EVI5: variants seen among roughly 807,000 people sequenced by gnomAD.
The protein encoded by EVI5 is ecotropic viral integration site 5 protein homolog.
In EVI5, 73 loss-of-function variants were observed where a neutral mutation model predicts 112.0. The ratio of observed to expected loss-of-function variants is 0.65; its 90% CI spans 0.54 to 0.79. EVI5 has a LOEUF of 0.79. EVI5 is among the 30% of genes least tolerant of loss of function. The pLI, the probability that EVI5 is intolerant of heterozygous loss-of-function variation, is 0.00. For synonymous variants in EVI5, 305 were observed against 319.9 expected (o/e 0.95, Z 0.50); for missense variants, 900 against 968.8 (o/e 0.93, Z 0.94).
At chr1:92,660,840 A>G (rs900645244) in intron 13 of EVI5, among the ~76,000 whole-genome samples, 1 of 151,976 alleles carries the variant, frequency 6.6e-6, no homozygotes, top group African/African-American at 2.4e-5. Context: ...AATGATAGAA[A>G]TATTATTTGT....
chr1:92,580,007 G>C (rs935779442), intron 18 of EVI5, among the ~76,000 whole-genome samples: 1 of 152,100 alleles, frequency 6.6e-6, no homozygotes, highest in Non-Finnish European at 1.5e-5. Flanking sequence ...AATCATATAT[G>C]TATTATTAAA....
At chr1:92,582,002 A>G (rs1672015724) in intron 18 of EVI5, among the ~76,000 whole-genome samples, 1 of 152,218 alleles carries the variant, frequency 6.6e-6, no homozygotes, top group Non-Finnish European at 1.5e-5. Flanking sequence ...ATGGGGATAC[A>G]TTCTGAGAAA....
chr1:92,674,455 T>C (rs1666384189), intron 10 of EVI5, among the ~76,000 whole-genome samples: 1 of 152,148 alleles, frequency 6.6e-6, no homozygotes, highest in South Asian at 2.1e-4. Flanking sequence ...AAACACCACA[T>C]GTTCTTGCTC....
At chr1:92,539,337 T>C (rs1306254246) in intron 19 of EVI5, among the ~76,000 whole-genome samples, 3 of 152,034 alleles carry the variant, frequency 2.0e-5, no homozygotes, top group African/African-American at 7.2e-5. Context: ...GGTCAGGAGA[T>C]GGAGACCATC....
At chr1:92,528,928 A>G (rs551997851) in intron 19 of EVI5, among the ~76,000 whole-genome samples, 2 of 152,326 alleles carry the variant, frequency 1.3e-5, no homozygotes, top group African/African-American at 4.8e-5. Context: ...TTTTCTGTAC[A>G]TATCTCATAC....
At chr1:92,773,058 T>C (rs1683641210) in intron 1 of EVI5, among the ~76,000 whole-genome samples, 2 of 150,658 alleles carry the variant, frequency 1.3e-5, no homozygotes, top group African/African-American at 4.9e-5. Flanking sequence ...AAATGCAAAA[T>C]TAGCCGGATG....
intron 18 of EVI5, among the ~76,000 whole-genome samples, chr1:92,581,759 C>A (rs190328901): frequency 1.5e-5 from 2 of 136,798 alleles, no homozygotes; most frequent in East Asian, 4.2e-4. Context: ...GAGTTTCAAG[C>A]CATCTTTGGT....
intron 1 of EVI5, chr1:92,756,853 A>T: frequency 2.1e-6 from 1 of 478,892 alleles, no homozygotes; most frequent in Non-Finnish European, 4.2e-6. Context: ...GCTGTCCCTC[A>T]CTGGCAATAG....
In EVI5 at chr1:92,746,974, T is replaced by A. The variant is rs192077079; in HGVS notation, c.-81-10347A>T. Among the ~76,000 whole-genome samples the A allele has an allele frequency of 2.3e-3, 355 of 151,798 alleles. 1 individual carries two copies. The highest frequency in any genetic ancestry group is 8.2e-3 in the African/African-American group (341 of 41,414). ...TATATTATTATATATTGTTACCCAA[T>A]ACAAGTAACGGGGGAAAAGCTATAG... is the stretch of plus-strand genomic sequence containing the variant. On this transcript the variant is annotated intron_variant, in intron 1 of 19. Coordinates refer to ENST00000684568, the MANE Select transcript of EVI5 (RefSeq NM_001350197.2).
At chr1:92,638,552 T>C (rs1351508694) in intron 13 of EVI5, among the ~76,000 whole-genome samples, 1 of 152,174 alleles carries the variant, frequency 6.6e-6, no homozygotes, top group African/African-American at 2.4e-5. Flanking sequence ...TTTCAATTTA[T>C]TCTATTTTCC....
intron 2 of EVI5, among the ~76,000 whole-genome samples, chr1:92,713,191 A>G (rs1413196634): frequency 6.6e-6 from 1 of 151,988 alleles, no homozygotes; most frequent in Non-Finnish European, 1.5e-5. Context: ...TTTTCAAATC[A>G]AGTTTTAAAA....
At chr1:92,620,110 C>T (rs113218515) in intron 16 of EVI5, among the ~76,000 whole-genome samples, 8 of 152,154 alleles carry the variant, frequency 5.3e-5, no homozygotes, top group East Asian at 1.9e-4. Flanking sequence ...TTTGGGAGGC[C>T]GAGACGGGCG....
intron 19 of EVI5, among the ~76,000 whole-genome samples, chr1:92,532,609 T>C (rs941737475): frequency 6.6e-6 from 1 of 152,084 alleles, no homozygotes; most frequent in Non-Finnish European, 1.5e-5. Context: ...TGCAATCAAA[T>C]TAGAACTCAG....
At chr1:92,741,622 G>T (rs772133577) in intron 1 of EVI5, among the ~76,000 whole-genome samples, 1 of 152,130 alleles carries the variant, frequency 6.6e-6, no homozygotes, top group Middle Eastern at 3.2e-3. Flanking sequence ...GGCTGATGGG[G>T]TTATTCTTTG....
Position 92,548,182 on chromosome 1 carries a change from A to G in EVI5, c.2166+15460T>C, listed in dbSNP as rs559792405. ...GTGGGCTTCATCCCTGGGATGCAAG[A>G]CTGGTTCAACATACGAAAATCAATA... On this transcript the variant is annotated intron_variant, in intron 19 of 19. Transcript: ENST00000684568. 1.9e-4 allele frequency among the ~76,000 whole-genome samples: 29 copies of G among 152,342 alleles called. 1 individual carries two copies. The South Asian group carries it at 5.6e-3, about 29-fold the overall frequency.
rs1449638655 is a variant in EVI5, at chr1:92,509,902, A to G, written c.*3754T>C. The G allele has an allele frequency of 6.6e-6, 1 of 152,168 alleles. No homozygotes were observed. The highest frequency in any genetic ancestry group is 1.5e-5 in the Non-Finnish European group (1 of 68,040). The allele number at this position is 152,168 out of a possible 1,614,324, so 9.4% of individuals were successfully genotyped here. A position where few individuals can be genotyped will look rare whatever the true frequency, so the allele number is the denominator to read the frequency against. Reference sequence around the variant, plus strand: ...TAAGTGTTTAACTTAATAACATTCAAATATCACAAAATGTCAGTAATTAAA... The same window carrying G: ...TAAGTGTTTAACTTAATAACATTCAGATATCACAAAATGTCAGTAATTAAA... On this transcript the variant is annotated 3_prime_UTR_variant, in exon 20 of 20. Transcript: ENST00000684568.
chr1:92,609,006 C>A (rs1651122648), intron 16 of EVI5, among the ~76,000 whole-genome samples: 1 of 152,126 alleles, frequency 6.6e-6, no homozygotes, highest in Admixed American at 6.5e-5. Flanking sequence ...AAATATGTAG[C>A]AATAAATGCT....
chr1:92,693,639 C>T (rs1458715311), intron 9 of EVI5, among the ~76,000 whole-genome samples, 163 bp downstream of exon 9: 1 of 152,096 alleles, frequency 6.6e-6, no homozygotes, highest in Non-Finnish European at 1.5e-5. Flanking sequence ...TAGTCCCATG[C>T]ACCACTGTTA....
At chr1:92,591,661 T>C (rs1571756676) in intron 18 of EVI5, among the ~76,000 whole-genome samples, 3 of 152,124 alleles carry the variant, frequency 2.0e-5, no homozygotes, top group African/African-American at 7.2e-5. Context: ...ACAATAATAA[T>C]GGGAGACTTT....
Sources: allele counts gnomAD v4.1 joint callset (sites outside exome capture counted in the v4.1 genomes callset), GRCh38; gene constraint gnomAD v4.1.1; transcripts MANE v1.5; gene names NCBI Gene and HGNC (gene_info 2026-07-23, HGNC 2026-07-21).